The following NBEA variants were observed in gnomAD, a reference collection of about 807,000 sequenced individuals.
The protein encoded by NBEA is neurobeachin.
A neutral mutation model predicts 343.4 loss-of-function variants in NBEA; 44 were observed. The observed-to-expected ratio is 0.13, with a 90% CI of 0.10 to 0.16. The LOEUF (loss-of-function observed/expected upper bound fraction) is 0.16. Among genes scored for constraint, NBEA ranks in the 10% least tolerant of loss-of-function variants. NBEA has a pLI of 1.00. For missense variants in NBEA, 2,555 were observed against 3,631.3 expected, an observed-to-expected ratio of 0.70 and a Z score of 7.62; for synonymous variants, 1,175 against 1,238.7, an observed-to-expected ratio of 0.95 and a Z score of 1.08.
intron 17 of NBEA, among the ~76,000 whole-genome samples, chr13:35,136,376 G>A (rs1474683283): frequency 6.6e-6 from 1 of 152,126 alleles, no homozygotes; most frequent in African/African-American, 2.4e-5. Flanking sequence ...TTGATGTTCT[G>A]TGATGAAAAT....
chr13:35,655,106 C>T, intron 54 of NBEA, 96 bp downstream of exon 54: 1 of 997,144 alleles, frequency 1.0e-6, no homozygotes, highest in Non-Finnish European at 1.3e-6. Context: ...GCATTTTTAT[C>T]ATTTGCCAAC....
chr13:35,483,059 A>G (rs2076180358), intron 41 of NBEA, among the ~76,000 whole-genome samples: 1 of 151,960 alleles, frequency 6.6e-6, no homozygotes, highest in Admixed American at 6.6e-5. Flanking sequence ...AAAAACACTG[A>G]CACAGGCAAA....
At chr13:35,635,804 T>A (rs2083668664) in intron 49 of NBEA, among the ~76,000 whole-genome samples, 1 of 152,224 alleles carries the variant, frequency 6.6e-6, no homozygotes, top group Non-Finnish European at 1.5e-5. Flanking sequence ...AAATCTTTAA[T>A]TTAGGTCTAT....
chr13:35,048,538 C>A (rs375827955), intron 4 of NBEA, 25 bp from the exon 5 acceptor site: 3 of 1,593,902 alleles, frequency 1.9e-6, no homozygotes, highest in South Asian at 1.1e-5. Flanking sequence ...CTGATACTTT[C>A]GTACCTTTTC....
At chr13:35,386,216 T>C (rs2042236413) in intron 38 of NBEA, among the ~76,000 whole-genome samples, 2 of 152,206 alleles carry the variant, frequency 1.3e-5, no homozygotes, top group Non-Finnish European at 1.5e-5. Flanking sequence ...TAAATACTAA[T>C]AGTGTGGCAA....
intron 34 of NBEA, chr13:35,251,555 T>C: frequency 8.4e-7 from 1 of 1,185,548 alleles, no homozygotes; most frequent in Non-Finnish European, 1.1e-6. Flanking sequence ...TTGATGCATG[T>C]GACCTTCAGG....
chr13:35,446,091 T>A (rs865785275), intron 39 of NBEA, among the ~76,000 whole-genome samples: 2 of 151,706 alleles, frequency 1.3e-5, no homozygotes, highest in Non-Finnish European at 2.9e-5. Context: ...CTTACGATAG[T>A]TTGCTGAGAA....
chr13:35,157,032 A>T (rs1354304584), intron 20 of NBEA, 46 bp from the exon 21 acceptor site: 1 of 1,406,922 alleles, frequency 7.1e-7, no homozygotes. Context: ...GTAAATTCTA[A>T]CTTAATTTGG....
At chr13:35,052,834 A>G (rs2063113005) in intron 6 of NBEA, among the ~76,000 whole-genome samples, 1 of 151,986 alleles carries the variant, frequency 6.6e-6, no homozygotes, top group African/African-American at 2.4e-5. Flanking sequence ...TTTATCATAT[A>G]TTATTGTTAC....
chr13:35,245,114 C>T (rs1269472758), intron 34 of NBEA, among the ~76,000 whole-genome samples: 1 of 152,108 alleles, frequency 6.6e-6, no homozygotes, highest in Non-Finnish European at 1.5e-5. Flanking sequence ...AGAATACCTA[C>T]TCCTGCTCAC....
At chr13:35,069,526 T>G (rs1470634275) in intron 8 of NBEA, among the ~76,000 whole-genome samples, 1 of 152,158 alleles carries the variant, frequency 6.6e-6, no homozygotes, top group Non-Finnish European at 1.5e-5. Context: ...CTATAAGTAA[T>G]TCATGTGCCA....
intron 2 of NBEA, among the ~76,000 whole-genome samples, chr13:35,043,105 G>C (rs1238970781): frequency 1.3e-5 from 2 of 151,742 alleles, no homozygotes; most frequent in Non-Finnish European, 3.0e-5. Context: ...GCTTGGTTGT[G>C]TTACATATAC....
chr13:35,082,031 A>C (rs949954738), intron 10 of NBEA, among the ~76,000 whole-genome samples: 2 of 152,070 alleles, frequency 1.3e-5, no homozygotes, highest in Admixed American at 1.3e-4. Flanking sequence ...CTCGTCATTT[A>C]ACATTAGGTA....
chr13:35,167,046 T>C (rs765268407), intron 24 of NBEA, among the ~76,000 whole-genome samples: 1 of 152,034 alleles, frequency 6.6e-6, no homozygotes, highest in Non-Finnish European at 1.5e-5. Flanking sequence ...TGTTTATATA[T>C]ATATAGTTTT....
At chr13:35,051,569 A>G (rs1297559516) in intron 6 of NBEA, among the ~76,000 whole-genome samples, 1 of 152,010 alleles carries the variant, frequency 6.6e-6, no homozygotes, top group Non-Finnish European at 1.5e-5. Flanking sequence ...ATTAACATAT[A>G]CTTAGAAAAT....
intron 48 of NBEA, among the ~76,000 whole-genome samples, chr13:35,611,048 A>G (rs928158820): frequency 2.0e-4 from 31 of 151,220 alleles, no homozygotes; most frequent in African/African-American, 7.5e-4. Flanking sequence ...AAAGGGGGAA[A>G]AAAAAAAAAA....
rs568489343 is a variant in NBEA at position 35,519,653 on chromosome 13, G to A, written c.6586-30824G>A. ...ATTTATTTTTTTTAAATTTTAAAGG[G>A]ATACATAATAATTATGCCTATTTAT... On this transcript the variant is annotated intron_variant, in intron 41 of 58. Coordinates refer to ENST00000379939, the MANE Select transcript of NBEA (RefSeq NM_001385012.1). Among the ~76,000 whole-genome samples, 5 of 151,956 alleles carry A rather than the reference G, an allele frequency of 3.3e-5. No individual in the cohort carries two copies. The South Asian group carries it at 1.0e-3, about 32-fold the overall frequency.
chr13:35,145,038 A>G (rs1396243276), intron 18 of NBEA, among the ~76,000 whole-genome samples: 1 of 152,174 alleles, frequency 6.6e-6, no homozygotes, highest in African/African-American at 2.4e-5. Flanking sequence ...GCCTGTTAGT[A>G]AATCTTTTGA....
intron 36 of NBEA, among the ~76,000 whole-genome samples, chr13:35,318,601 T>A (rs147873393): frequency 5.8e-4 from 88 of 152,276 alleles, no homozygotes; most frequent in African/African-American, 2.0e-3. Context: ...GGTATCAGGA[T>A]GATGTTGGCC....
Sources: allele counts gnomAD v4.1 joint callset (sites outside exome capture counted in the v4.1 genomes callset), GRCh38; gene constraint gnomAD v4.1.1; transcripts MANE v1.5; gene names NCBI Gene and HGNC (gene_info 2026-07-23, HGNC 2026-07-21).